CIT: variants seen among roughly 807,000 people sequenced by gnomAD.
The protein encoded by CIT is citron Rho-interacting kinase.
CIT carries 79 observed loss-of-function variants against 272.7 expected under a neutral mutation model. The observed-to-expected ratio is 0.29, with a 90% confidence interval of 0.24 to 0.35. The LOEUF is 0.35. CIT is among the 10% of genes least tolerant of loss of function. The pLI is 1.00. For missense variants in CIT, 1,909 were observed against 2,618.3 expected (o/e 0.73, Z 5.91); for synonymous variants, 948 against 995.6 (o/e 0.95, Z 0.90).
rs539943282 is a variant in CIT at position 119,728,808 on chromosome 12, C to T, written c.3487-202G>A. Among the ~76,000 whole-genome samples the T allele has an allele frequency of 6.9e-4, 105 of 152,334 alleles. 1 individual carries two copies. The South Asian group carries it at 0.021, about 30-fold the overall frequency. On this transcript the variant is annotated intron_variant, in intron 27 of 47. Coordinates refer to ENST00000392521, the MANE Select transcript of CIT (RefSeq NM_001206999.2). This position sits in a 1 kb window ranked among gnomAD's most constrained non-coding sequence, Gnocchi z 4.3. ...TATTATATGAGGATGGAAATTATTT[C>T]TAAGGGATGGCTCTTAAATATGGCT... is the stretch of plus-strand genomic sequence containing the variant.
chr12:119,814,944 A>C (rs1967005635), intron 9 of CIT, among the ~76,000 whole-genome samples: 1 of 150,576 alleles, frequency 6.6e-6, no homozygotes, highest in Non-Finnish European at 1.5e-5. Flanking sequence ...AGGCTGAGGC[A>C]GGAGAATTGC....
chr12:119,790,988 T>C (rs433091), intron 10 of CIT, among the ~76,000 whole-genome samples: 68,941 of 152,042 alleles, frequency 0.45, 16,264 homozygotes, highest in Admixed American at 0.6. Flanking sequence ...TAGTGCTTCA[T>C]GGGTTACTTC....
chr12:119,695,621 C>T (rs1198799534), intron 46 of CIT, among the ~76,000 whole-genome samples: 3 of 152,172 alleles, frequency 2.0e-5, no homozygotes, highest in Admixed American at 1.3e-4. Flanking sequence ...CATGGTAAAA[C>T]TCCATCTCTA....
At chr12:119,847,189 TTAGC>T (rs975388045) in intron 5 of CIT, among the ~76,000 whole-genome samples, 1 of 152,120 alleles carries the variant, frequency 6.6e-6, no homozygotes, top group African/African-American at 2.4e-5. Context: ...TTTCACCATG[TTAGC>T]CAGGATGGTC....
At chr12:119,730,417 T>C in intron 27 of CIT, 78 bp downstream of exon 27, 2 of 1,472,354 alleles carry the variant, frequency 1.4e-6, no homozygotes, top group Admixed American at 2.3e-5. Flanking sequence ...TGGATTGCAT[T>C]TGAATTTTTA....
At chr12:119,740,807 C>T (rs1361895197) in intron 24 of CIT, among the ~76,000 whole-genome samples, 1 of 152,048 alleles carries the variant, frequency 6.6e-6, no homozygotes, top group Non-Finnish European at 1.5e-5. Flanking sequence ...GGGCAGAAAA[C>T]TACCAGAATG....
At chr12:119,805,854 G>T (rs1206960051) in intron 9 of CIT, among the ~76,000 whole-genome samples, 1 of 152,182 alleles carries the variant, frequency 6.6e-6, no homozygotes, top group African/African-American at 2.4e-5. Flanking sequence ...GAAGAAGTAG[G>T]CCAGGCACAG....
chr12:119,765,355 AAT>A (rs955467177), intron 19 of CIT, among the ~76,000 whole-genome samples: 1 of 144,204 alleles, frequency 6.9e-6, no homozygotes. Context: ...CATGTCTCTA[AAT>A]ATATATATAT....
rs1220232146 is a variant in CIT, at chr12:119,770,203, A to G, written c.2208+582T>C. Among the ~76,000 whole-genome samples, 3 of 152,338 alleles carry G rather than the reference A, an allele frequency of 2.0e-5. No homozygotes were observed. Among genetic ancestry groups the G allele is most frequent in the Non-Finnish European group, 4.4e-5 (3 of 68,020 alleles). On this transcript the variant is annotated intron_variant, in intron 18 of 47. Coordinates refer to ENST00000392521, the MANE Select transcript of CIT (RefSeq NM_001206999.2). The surrounding 1 kb of genome is among the most constrained non-coding windows in gnomAD (Gnocchi z 4.4). ...TAATTTGGTGATCAGAGCCTGAGACAGAATCAGGATGACTACAGACCCTAA... is the reference window on the plus strand; with the variant it reads ...TAATTTGGTGATCAGAGCCTGAGACGGAATCAGGATGACTACAGACCCTAA...
At chr12:119,823,256 G>C (rs1967876578) in intron 8 of CIT, among the ~76,000 whole-genome samples, 1 of 152,006 alleles carries the variant, frequency 6.6e-6, no homozygotes, top group South Asian at 2.1e-4. Context: ...CTCTCCCTTT[G>C]CTGTCCAACA....
rs924433497 is a variant in CIT at position 119,742,480 on chromosome 12, T to G, written c.2905-16A>C. 39 of 1,598,790 alleles carry G rather than the reference T, an allele frequency of 2.4e-5. 1 individual carries two copies. Among genetic ancestry groups the G allele is most frequent in the Non-Finnish European group, 1.7e-6 (2 of 1,173,268 alleles). On this transcript the variant is annotated splice_polypyrimidine_tract_variant and intron_variant, in intron 23 of 47. Transcript: ENST00000392521. ...CTCTATGTGCCTAAAAGGTAAGAAG[T>G]TGATTATAAATTTTTCATAGGGTAG... is the stretch of plus-strand genomic sequence containing the variant.
intron 8 of CIT, among the ~76,000 whole-genome samples, chr12:119,824,785 G>C (rs1010321005): frequency 6.6e-6 from 1 of 151,840 alleles, no homozygotes; most frequent in Admixed American, 6.6e-5. Flanking sequence ...ACAATTTTTT[G>C]GTTTTTTGTT....
intron 3 of CIT, among the ~76,000 whole-genome samples, chr12:119,862,976 C>T (rs1350304737): frequency 6.7e-5 from 10 of 148,452 alleles, no homozygotes; most frequent in South Asian, 4.3e-4. Flanking sequence ...AAGACGAGGC[C>T]GGCGGATCAC....
At chr12:119,828,000 T>C (rs569521675) in intron 7 of CIT, among the ~76,000 whole-genome samples, 3 of 152,198 alleles carry the variant, frequency 2.0e-5, no homozygotes, top group East Asian at 1.9e-4. Context: ...AACCAAAGAG[T>C]TGCAAAAACA....
At chr12:119,762,105 CA>C (rs1961877628) in intron 19 of CIT, among the ~76,000 whole-genome samples, 2 of 152,222 alleles carry the variant, frequency 1.3e-5, no homozygotes, top group South Asian at 4.1e-4. Flanking sequence ...GCCTTTCCAA[CA>C]ATGTCTATTG....
Position 119,686,532 on chromosome 12 carries a change from T to A in CIT, c.*1700A>T, listed in dbSNP as rs1456429364. 1 of 152,312 alleles carries A rather than the reference T, an allele frequency of 6.6e-6. No individual in the cohort carries two copies. The highest frequency in any genetic ancestry group is 1.5e-5 in the Non-Finnish European group (1 of 68,104). The allele number at this position is 152,312 out of a possible 1,614,324, so 9.4% of individuals were successfully genotyped here. Reference sequence around the variant, plus strand: ...AGACACGAGCAGGAAGGAGCTGGGATGCAGGCCAGGTTGCAATCTGGAAAG... The same window carrying A: ...AGACACGAGCAGGAAGGAGCTGGGAAGCAGGCCAGGTTGCAATCTGGAAAG... On this transcript the variant is annotated 3_prime_UTR_variant, in exon 48 of 48. Transcript: ENST00000392521.
chr12:119,688,041 A>G lies in CIT; in HGVS notation c.*191T>C. The stretch of plus-strand genomic sequence containing the variant: ...TGCCCAGGGCAGGCACCGGGCGCTG[A>G]CAGCTCCGAAGAGCCTCAGCCACCT... On this transcript the variant is annotated 3_prime_UTR_variant, in exon 48 of 48. Coordinates refer to ENST00000392521, the MANE Select transcript of CIT (RefSeq NM_001206999.2). 2 of 634,012 alleles carry G rather than the reference A, an allele frequency of 3.2e-6. No homozygotes were observed. Among genetic ancestry groups the G allele is most frequent in the Non-Finnish European group, 5.7e-6 (2 of 352,246 alleles). 39.3% of individuals were successfully genotyped at this position (634,012 alleles called of 1,614,324 possible). A position where few individuals can be genotyped will look rare whatever the true frequency, so the allele number is the denominator to read the frequency against.
At chr12:119,747,982 G>A (rs1253628060) in intron 23 of CIT, among the ~76,000 whole-genome samples, 5 of 151,852 alleles carry the variant, frequency 3.3e-5, no homozygotes, top group Admixed American at 1.3e-4. Flanking sequence ...TGGGAAACAC[G>A]GTGAAACCTC....
chr12:119,764,894 C>T (rs1402333863), intron 19 of CIT, among the ~76,000 whole-genome samples: 3 of 151,998 alleles, frequency 2.0e-5, no homozygotes, highest in Non-Finnish European at 4.4e-5. Context: ...GCAACCTCTG[C>T]TCACTGGGTT....
Sources: allele counts gnomAD v4.1 joint callset (sites outside exome capture counted in the v4.1 genomes callset), GRCh38; gene constraint gnomAD v4.1.1; non-coding constraint Gnocchi (gnomAD v3.1); transcripts MANE v1.5; gene names NCBI Gene and HGNC (gene_info 2026-07-23, HGNC 2026-07-21).